Variants in ETV1 observed in about 807,000 individuals in gnomAD.
ETV1 encodes ETS variant transcription factor 1.
Under a neutral mutation model 62.3 loss-of-function variants are expected in ETV1, and 27 were observed. That is an observed-to-expected ratio of 0.43 (90% CI 0.32 to 0.60). ETV1 has a LOEUF of 0.60. ETV1 is among the 20% of genes least tolerant of loss of function. The probability of loss-of-function intolerance (pLI) is 0.06; values close to 1 mark genes in which losing one functional copy is unlikely to be tolerated. For synonymous variants in ETV1, 222 were observed against 199.6 expected (o/e 1.11, Z -0.94); for missense variants, 605 against 605.8 (o/e 1.00, Z 0.01).
rs1177230962 is a variant in ETV1, at chr7:13,895,880, C to T, written c.1420G>A (p.Gly474Ser). The T allele has an allele frequency of 1.9e-6, 3 of 1,613,328 alleles. No homozygotes were observed. Among genetic ancestry groups the T allele is most frequent in the Admixed American group, 3.3e-5 (2 of 59,912 alleles). Reference protein sequence around the residue: ...GCCNPHPYNEGYVY With the variant: ...GCCNPHPYNESYVY ...TGTCACTTGTGTTAATACACGTAGC[C>T]TTCGTTGTAGGGGTGGGGGTTGCAG... is the stretch of plus-strand genomic sequence containing the variant. The change falls in exon 14 of 14, where the codon GGC (glycine) becomes AGC (serine). Residue 474 changes from glycine to serine, a missense_variant. This residue lies in a region of ETV1 where 79 missense variants were observed against 71.6 expected (regional missense o/e 1.10). Coordinates refer to ENST00000430479, the MANE Select transcript of ETV1 (RefSeq NM_004956.5).
At chr7:13,979,128 A>G (rs540791472) in intron 5 of ETV1, among the ~76,000 whole-genome samples, 71 of 152,216 alleles carry the variant, frequency 4.7e-4, no homozygotes, top group Admixed American at 1.9e-3. Flanking sequence ...GTGACATGCT[A>G]GTTGTGCAAC....
chr7:13,938,934 G>A (rs1053487632), intron 7 of ETV1, among the ~76,000 whole-genome samples, 183 bp downstream of exon 7: 1 of 152,188 alleles, frequency 6.6e-6, no homozygotes, highest in African/African-American at 2.4e-5. Flanking sequence ...GCTTTAAAAT[G>A]AATCCAAAGT....
chr7:13,954,733 T>C (rs1293737032), intron 6 of ETV1, among the ~76,000 whole-genome samples: 1 of 152,204 alleles, frequency 6.6e-6, no homozygotes, highest in Non-Finnish European at 1.5e-5. Context: ...ATGCTTGAAG[T>C]ACACCTGCAG....
intron 4 of ETV1, chr7:13,987,056 TA>T (rs1166793703): frequency 5.2e-6 from 1 of 192,984 alleles, no homozygotes; most frequent in Non-Finnish European, 1.0e-5. Context: ...AAAATAGTAG[TA>T]GGGGGAAGAT....
intron 9 of ETV1, among the ~76,000 whole-genome samples, chr7:13,920,437 A>AGTGTGT (rs1209408348): frequency 7.9e-6 from 1 of 126,354 alleles, no homozygotes; most frequent in Non-Finnish European, 1.7e-5. Context: ...AGAGAGAGTG[A>AGTGTGT]GTGAGTGTGT....
intron 6 of ETV1, among the ~76,000 whole-genome samples, chr7:13,975,795 T>A (rs1223876388): frequency 6.6e-6 from 1 of 151,288 alleles, no homozygotes; most frequent in Admixed American, 6.6e-5. Context: ...TGAAAAGAGG[T>A]CAAATAAGAA....
chr7:13,908,555 T>C (rs977303854), intron 11 of ETV1, among the ~76,000 whole-genome samples: 2 of 152,124 alleles, frequency 1.3e-5, no homozygotes, highest in African/African-American at 4.8e-5. Context: ...CTAACATCTG[T>C]TGTAGAATAA....
At chr7:13,963,279 T>C (rs147915187) in intron 6 of ETV1, among the ~76,000 whole-genome samples, 1 of 152,232 alleles carries the variant, frequency 6.6e-6, no homozygotes, top group East Asian at 1.9e-4. Flanking sequence ...TTTGTGAACA[T>C]AACTTATTTT....
intron 9 of ETV1, among the ~76,000 whole-genome samples, chr7:13,911,709 GC>G (rs1783587176): frequency 6.6e-6 from 1 of 152,070 alleles, no homozygotes; most frequent in African/African-American, 2.4e-5. Context: ...ATATTTAGAA[GC>G]TTTCAAGTTG....
intron 9 of ETV1, among the ~76,000 whole-genome samples, chr7:13,925,136 C>A (rs1301099577): frequency 6.6e-6 from 1 of 152,174 alleles, no homozygotes; most frequent in Non-Finnish European, 1.5e-5. Context: ...TTTTAGCTAT[C>A]TTCCTCTTGC....
chr7:13,924,259 T>A (rs1007197922), intron 9 of ETV1, among the ~76,000 whole-genome samples: 1 of 152,076 alleles, frequency 6.6e-6, no homozygotes, highest in Non-Finnish European at 1.5e-5. Context: ...CGAGGTCCAA[T>A]GAGAAGACTC....
chr7:13,986,797 G>T, intron 4 of ETV1, 112 bp from the exon 5 acceptor site: 1 of 792,088 alleles, frequency 1.3e-6, no homozygotes, highest in Non-Finnish European at 2.0e-6. Flanking sequence ...TTCAAGAGAC[G>T]CAGTCAACAT....
At chr7:13,955,262 C>A (rs183309992) in intron 6 of ETV1, among the ~76,000 whole-genome samples, 33 of 152,228 alleles carry the variant, frequency 2.2e-4, no homozygotes, top group Admixed American at 1.8e-3. Context: ...AAAGCTTCTA[C>A]CGAAAGTATT....
chr7:13,982,186 C>G (rs1312122143), intron 5 of ETV1, among the ~76,000 whole-genome samples: 1 of 152,004 alleles, frequency 6.6e-6, no homozygotes, highest in Non-Finnish European at 1.5e-5. Context: ...AACTTGAAAA[C>G]TTAAGGGAAG....
chr7:13,933,658 T>C (rs957692235), intron 8 of ETV1, among the ~76,000 whole-genome samples: 1 of 152,122 alleles, frequency 6.6e-6, no homozygotes, highest in Non-Finnish European at 1.5e-5. Context: ...AATTTGCCAT[T>C]TATAACTGAG....
intron 5 of ETV1, 145 bp from the exon 6 acceptor site, chr7:13,977,625 G>T (rs186767093): frequency 4.8e-6 from 3 of 624,726 alleles, no homozygotes; most frequent in Admixed American, 5.7e-5. Context: ...ATTTAAAATG[G>T]TATTGACAAC....
intron 6 of ETV1, among the ~76,000 whole-genome samples, chr7:13,975,904 G>A (rs1583869821): frequency 6.6e-6 from 1 of 152,180 alleles, no homozygotes; most frequent in African/African-American, 2.4e-5. Flanking sequence ...ATATCAACGA[G>A]ATTAATTCTT....
intron 6 of ETV1, among the ~76,000 whole-genome samples, chr7:13,947,613 C>A (rs111996049): frequency 2.6e-5 from 4 of 152,250 alleles, no homozygotes; most frequent in African/African-American, 9.6e-5. Context: ...TGGGCTCAAT[C>A]TTAAGGTTGT....
At chr7:13,906,142 C>A in intron 12 of ETV1, 1 of 249,766 alleles carries the variant, frequency 4.0e-6, no homozygotes, top group Non-Finnish European at 7.5e-6. Flanking sequence ...TTCAGATGCT[C>A]CTTTAGAAAC....
Sources: allele counts gnomAD v4.1 joint callset (sites outside exome capture counted in the v4.1 genomes callset), GRCh38; gene constraint gnomAD v4.1.1; regional missense constraint gnomAD v4.1.1; transcripts MANE v1.5; gene names NCBI Gene and HGNC (gene_info 2026-07-23, HGNC 2026-07-21).